Variants in ATP10A observed in about 807,000 individuals in gnomAD.
The protein encoded by ATP10A is ATPase phospholipid transporting 10A (putative), also known as phospholipid-transporting ATPase VA.
In ATP10A, 111 loss-of-function variants were observed where a neutral mutation model predicts 147.8. The observed-to-expected ratio is 0.75, with a 90% CI of 0.64 to 0.88. ATP10A has a LOEUF of 0.88. Ranked by LOEUF, ATP10A falls within the 40% of genes least tolerant of loss-of-function variation. ATP10A has a pLI of 0.00. For synonymous variants in ATP10A, 875 were observed against 841.6 expected, an observed-to-expected ratio of 1.04 and a Z score of -0.69; for missense variants, 1,927 against 1,959.0, an observed-to-expected ratio of 0.98 and a Z score of 0.31.
chr15:25,758,928 T>C (rs990443570), intron 2 of ATP10A, among the ~76,000 whole-genome samples: 1 of 152,006 alleles, frequency 6.6e-6, no homozygotes, highest in South Asian at 2.1e-4. Flanking sequence ...CTCATTCTGA[T>C]CACCTGCTAT....
intron 1 of ATP10A, among the ~76,000 whole-genome samples, chr15:25,820,153 A>G (rs1403928331): frequency 6.6e-6 from 1 of 152,202 alleles, no homozygotes; most frequent in Non-Finnish European, 1.5e-5. Context: ...AATATGATAG[A>G]ACTACAGGAT....
At chr15:25,862,067 G>A in intron 1 of ATP10A, 1 of 332,490 alleles carries the variant, frequency 3.0e-6, no homozygotes, top group Non-Finnish European at 6.0e-6. Flanking sequence ...CAGCTACCGG[G>A]CGGTGCCTGG....
intron 5 of ATP10A, among the ~76,000 whole-genome samples, chr15:25,724,715 C>A (rs1021076442): frequency 6.6e-6 from 1 of 152,146 alleles, no homozygotes; most frequent in Non-Finnish European, 1.5e-5. Context: ...AGTTTAGCAC[C>A]AGGTTACTGA....
chr15:25,719,114 A>G (rs1183979244), intron 7 of ATP10A, among the ~76,000 whole-genome samples: 2 of 152,104 alleles, frequency 1.3e-5, no homozygotes, highest in Non-Finnish European at 1.5e-5. Flanking sequence ...AGCTTGTTTC[A>G]CCGTGGATGA....
intron 13 of ATP10A, among the ~76,000 whole-genome samples, chr15:25,699,086 T>A (rs938598092): frequency 1.3e-5 from 2 of 152,106 alleles, no homozygotes; most frequent in African/African-American, 4.8e-5. Context: ...AACAGAAAAA[T>A]TAATTTAAAA....
upstream of ATP10A, among the ~76,000 whole-genome samples, chr15:25,864,282 C>T (rs941132541): frequency 6.6e-6 from 1 of 152,150 alleles, no homozygotes; most frequent in African/African-American, 2.4e-5. Context: ...CCCCCACGTC[C>T]GCAGTGAGAC....
At chr15:25,728,895 C>T (rs948326917) in intron 3 of ATP10A, among the ~76,000 whole-genome samples, 6 of 152,072 alleles carry the variant, frequency 3.9e-5, no homozygotes, top group Non-Finnish European at 8.8e-5. Context: ...CGTGAACAGC[C>T]CACAACACAA....
intron 1 of ATP10A, among the ~76,000 whole-genome samples, chr15:25,829,085 C>A (rs115546167): frequency 4.6e-5 from 7 of 152,230 alleles, no homozygotes; most frequent in African/African-American, 1.4e-4. Flanking sequence ...AGTAAGGAGG[C>A]GGAAAGTCGA....
At chr15:25,799,482 T>C (rs2140775298) in intron 1 of ATP10A, among the ~76,000 whole-genome samples, 1 of 152,254 alleles carries the variant, frequency 6.6e-6, no homozygotes, top group Non-Finnish European at 1.5e-5. Flanking sequence ...CAAAATGGTG[T>C]TCAGCAAAAT....
chr15:25,775,462 C>A (rs1889556723), intron 2 of ATP10A, among the ~76,000 whole-genome samples: 1 of 152,252 alleles, frequency 6.6e-6, no homozygotes, highest in Non-Finnish European at 1.5e-5. Context: ...AACCCTGTCT[C>A]CGCCTTGGCA....
chr15:25,809,671 G>A (rs1168272600), intron 1 of ATP10A, among the ~76,000 whole-genome samples: 2 of 151,306 alleles, frequency 1.3e-5, no homozygotes, highest in Non-Finnish European at 2.9e-5. Context: ...TATGTACTAC[G>A]TGCCTGAGAA....
At chr15:25,859,559 C>G (rs1893664238) in intron 1 of ATP10A, among the ~76,000 whole-genome samples, 1 of 152,084 alleles carries the variant, frequency 6.6e-6, no homozygotes, top group South Asian at 2.1e-4. Flanking sequence ...CCTGCAGGCG[C>G]CACAGGCAGG....
At chr15:25,814,566 C>G (rs1300479887) in intron 1 of ATP10A, among the ~76,000 whole-genome samples, 1 of 152,210 alleles carries the variant, frequency 6.6e-6, no homozygotes, top group African/African-American at 2.4e-5. Flanking sequence ...TCCGTGATGA[C>G]AGGAACCTCA....
intron 1 of ATP10A, among the ~76,000 whole-genome samples, chr15:25,825,006 C>T (rs1339163178): frequency 1.3e-5 from 2 of 152,114 alleles, no homozygotes; most frequent in African/African-American, 2.4e-5. Flanking sequence ...GATAGAACGA[C>T]ACCTTCACTC....
chr15:25,717,111 C>A (rs1901869065), intron 8 of ATP10A, among the ~76,000 whole-genome samples, 187 bp from the exon 9 acceptor site: 1 of 152,222 alleles, frequency 6.6e-6, no homozygotes, highest in Admixed American at 6.5e-5. Context: ...TACAGAGCTT[C>A]TATCCACTTT....
chr15:25,775,678 C>T lies in ATP10A; in HGVS notation c.654+5341G>A, dbSNP rs191047687. 9.8e-5 allele frequency among the ~76,000 whole-genome samples: 15 copies of T among 152,376 alleles called. No individual in the cohort carries two copies. In the East Asian group the frequency reaches 2.7e-3, roughly 27 times the overall value. The stretch of plus-strand genomic sequence containing the variant: ...ACAATGACTACTCCCCACAGCGCTG[C>T]ACAGAGGACGTGGGTGTGGCTGGGA... On this transcript the variant is annotated intron_variant, in intron 2 of 20. Coordinates refer to ENST00000555815, the MANE Select transcript of ATP10A (RefSeq NM_024490.4).
chr15:25,713,914 C>A lies in ATP10A; in HGVS notation c.2104G>T (p.Ala702Ser), dbSNP rs761040930. 23 of 1,612,826 alleles carry A rather than the reference C, an allele frequency of 1.4e-5. No individual in the cohort carries two copies. Among genetic ancestry groups the A allele is most frequent in the Non-Finnish European group, 1.9e-5 (22 of 1,180,038 alleles). Reference sequence around the variant, plus strand: ...TAGGCTCTGGCCGCATACACCAGTGCGGCCTCATCCGGGCTCTCCGCCTCG... The same window carrying A: ...TAGGCTCTGGCCGCATACACCAGTGAGGCCTCATCCGGGCTCTCCGCCTCG... Reference protein sequence around the residue: ...RYEAESPDEAALVYAARAYNC... With the variant: ...RYEAESPDEASLVYAARAYNC... Residue 702 changes from alanine to serine, a missense_variant, in exon 10 of 21, where the codon GCA becomes TCA. Physicochemically the swap from Ala to Ser is moderately conservative, Grantham distance 99. Transcript: ENST00000555815.
In ATP10A at chr15:25,721,960, G is replaced by A; in HGVS notation, c.1111-51C>T. 4 of 1,555,490 alleles carry A rather than the reference G, an allele frequency of 2.6e-6. No homozygotes were observed. In the South Asian group the frequency reaches 3.5e-5, roughly 13 times the overall value. On this transcript the variant is annotated intron_variant, in intron 6 of 20. Transcript: ENST00000555815. ...GAATGACCGTGAGGACCAGGGAGCT[G>A]GGGAATTACTCAAATCTATTTAAAT...
chr15:25,783,382 G>A (rs1429503707), intron 1 of ATP10A, among the ~76,000 whole-genome samples: 2 of 152,156 alleles, frequency 1.3e-5, no homozygotes, highest in Non-Finnish European at 2.9e-5. Flanking sequence ...TCAGCTCCCT[G>A]AGCATTGGAT....
Sources: allele counts gnomAD v4.1 joint callset (sites outside exome capture counted in the v4.1 genomes callset), GRCh38; gene constraint gnomAD v4.1.1; transcripts MANE v1.5; gene names NCBI Gene and HGNC (gene_info 2026-07-23, HGNC 2026-07-21).